Variants in CDH12 observed in about 807,000 individuals in gnomAD.
CDH12 encodes the protein cadherin-12.
Under a neutral mutation model 74.1 loss-of-function variants are expected in CDH12, and 41 were observed. The observed-to-expected ratio is 0.55, with a 90% CI of 0.43 to 0.72. The LOEUF is 0.72. Among genes scored for constraint, CDH12 ranks in the 30% least tolerant of loss-of-function variants. The pLI is 0.00. For missense variants in CDH12, 945 were observed against 977.2 expected, an observed-to-expected ratio of 0.97 and a Z score of 0.44; for synonymous variants, 399 against 355.0, an observed-to-expected ratio of 1.12 and a Z score of -1.39.
At chr5:22,106,414 G>A (rs1007694831) in intron 4 of CDH12, among the ~76,000 whole-genome samples, 5 of 152,232 alleles carry the variant, frequency 3.3e-5, no homozygotes, top group African/African-American at 1.2e-4. Context: ...ATATTCAGCT[G>A]TATTTTACCT....
At chr5:22,361,779 A>T (rs898766168) in intron 3 of CDH12, among the ~76,000 whole-genome samples, 4 of 152,166 alleles carry the variant, frequency 2.6e-5, no homozygotes, top group African/African-American at 9.7e-5. Context: ...AATACCACAC[A>T]TCTACCACCA....
At position 22,158,582 on chromosome 5, in the gene CDH12, C is replaced by T. The variant is rs542758813; in HGVS notation, c.-187+53916G>A. Among the ~76,000 whole-genome samples, 90 of 152,126 alleles carry T rather than the reference C, an allele frequency of 5.9e-4. 1 individual carries two copies. The South Asian group carries it at 0.017, about 29-fold the overall frequency. On this transcript the variant is annotated intron_variant, in intron 4 of 14. Coordinates refer to ENST00000382254, the MANE Select transcript of CDH12 (RefSeq NM_004061.5). Reference sequence around the variant, plus strand: ...ATGGGGGTGTTCTTTAGAAATATCACGGTGGTAATTCAGCTTGATTTAGAA... The same window carrying T: ...ATGGGGGTGTTCTTTAGAAATATCATGGTGGTAATTCAGCTTGATTTAGAA...
At chr5:21,883,602 C>T in intron 6 of CDH12, 1 of 1,604,064 alleles carries the variant, frequency 6.2e-7, no homozygotes, top group Non-Finnish European at 8.5e-7. Flanking sequence ...TGAAGATGTT[C>T]AGCCTCATGA....
intron 3 of CDH12, among the ~76,000 whole-genome samples, chr5:22,356,069 C>T (rs1041948647): frequency 2.0e-5 from 3 of 152,170 alleles, no homozygotes; most frequent in South Asian, 2.1e-4. Context: ...AGCAGTCAGA[C>T]GAACTTTGTC....
intron 1 of CDH12, among the ~76,000 whole-genome samples, chr5:22,701,485 C>T (rs1490226631): frequency 6.6e-6 from 1 of 152,022 alleles, no homozygotes; most frequent in Non-Finnish European, 1.5e-5. Flanking sequence ...CAAAATTGAA[C>T]TTCTTATAAT....
intron 5 of CDH12, among the ~76,000 whole-genome samples, chr5:22,033,360 C>G (rs1376356056): frequency 6.6e-6 from 1 of 152,164 alleles, no homozygotes; most frequent in Non-Finnish European, 1.5e-5. Context: ...TTACCTAGCC[C>G]TGGGTTTTCC....
chr5:21,971,055 C>A (rs997175535), intron 6 of CDH12, among the ~76,000 whole-genome samples: 5 of 151,608 alleles, frequency 3.3e-5, no homozygotes, highest in Admixed American at 3.3e-4. Context: ...TTAGGTGTAT[C>A]TTTTCTTATT....
intron 1 of CDH12, among the ~76,000 whole-genome samples, chr5:22,610,105 G>C (rs1235496041): frequency 6.6e-6 from 1 of 152,160 alleles, no homozygotes; most frequent in Non-Finnish European, 1.5e-5. Flanking sequence ...AAATAATGGA[G>C]TTTCCAAACC....
chr5:21,799,488 A>G (rs1275351234), intron 10 of CDH12, among the ~76,000 whole-genome samples: 20 of 152,202 alleles, frequency 1.3e-4, no homozygotes, highest in Admixed American at 1.3e-3. Context: ...ATTACTTAAT[A>G]AGAAGATTTG....
intron 3 of CDH12, among the ~76,000 whole-genome samples, chr5:22,368,591 G>A (rs1741136860): frequency 6.6e-6 from 1 of 151,796 alleles, no homozygotes; most frequent in Admixed American, 6.6e-5. Context: ...ATAACCGCTG[G>A]TTAATAATAA....
At chr5:22,315,143 T>TTTTTTTTTTTTTTTTTTG (rs1554030826) in intron 3 of CDH12, among the ~76,000 whole-genome samples, 2 of 136,710 alleles carry the variant, frequency 1.5e-5, no homozygotes, top group Non-Finnish European at 3.1e-5. Flanking sequence ...TTTTTTTTTT[T>TTTTTTTTTTTTTTTTTTG]AGTAGAGACG....
Position 22,303,061 on chromosome 5 carries a change from T to C in CDH12, c.-332-90418A>G, listed in dbSNP as rs574264641. Among the ~76,000 whole-genome samples, 5 of 152,160 alleles carry C rather than the reference T, an allele frequency of 3.3e-5. No individual in the cohort carries two copies. In the East Asian group the frequency reaches 9.7e-4, roughly 29 times the overall value. On this transcript the variant is annotated intron_variant, in intron 3 of 14. Transcript: ENST00000382254. ...GGAAGAGAGCTAGAGGCAAAAAAAA[T>C]GTGGGTGCAAATATTTTAAGAAACA...
chr5:22,502,138 C>A (rs1736183976), intron 2 of CDH12, among the ~76,000 whole-genome samples: 1 of 152,102 alleles, frequency 6.6e-6, no homozygotes, highest in Non-Finnish European at 1.5e-5. Context: ...ATCCAAATTT[C>A]ATCTTGAGTT....
intron 4 of CDH12, among the ~76,000 whole-genome samples, chr5:22,194,311 T>TC (rs1306241572): frequency 6.9e-5 from 5 of 72,122 alleles, no homozygotes; most frequent in Non-Finnish European, 1.4e-4. Context: ...TTTCTTTCTT[T>TC]TTTTTTTTTT....
chr5:22,783,172 T>C (rs1747466489), intron 1 of CDH12, among the ~76,000 whole-genome samples: 1 of 152,210 alleles, frequency 6.6e-6, no homozygotes, highest in South Asian at 2.1e-4. Context: ...AGCCACATTT[T>C]GGATCTTTTT....
At chr5:22,758,536 GTT>G (rs796728010) in intron 1 of CDH12, among the ~76,000 whole-genome samples, 20 of 144,026 alleles carry the variant, frequency 1.4e-4, no homozygotes, top group South Asian at 4.4e-4. Flanking sequence ...TTGATTTATA[GTT>G]TTTTTTTTTT....
intron 3 of CDH12, among the ~76,000 whole-genome samples, chr5:22,303,617 A>G (rs775441030): frequency 2.9e-4 from 44 of 152,180 alleles, no homozygotes; most frequent in Non-Finnish European, 5.4e-4. Context: ...ATGTTAGTTC[A>G]TTTAAGCAAT....
At chr5:22,380,465 G>A (rs1057369752) in intron 3 of CDH12, among the ~76,000 whole-genome samples, 3 of 151,596 alleles carry the variant, frequency 2.0e-5, no homozygotes, top group African/African-American at 7.3e-5. Context: ...ATCTAATATA[G>A]AATTAGATAC....
At chr5:22,382,058 C>A (rs1034331592) in intron 3 of CDH12, among the ~76,000 whole-genome samples, 61 of 145,434 alleles carry the variant, frequency 4.2e-4, no homozygotes, top group African/African-American at 1.4e-3. Flanking sequence ...ACTGCAGTCT[C>A]AATATTATAA....
Sources: allele counts gnomAD v4.1 joint callset (sites outside exome capture counted in the v4.1 genomes callset), GRCh38; gene constraint gnomAD v4.1.1; transcripts MANE v1.5; gene names NCBI Gene and HGNC (gene_info 2026-07-23, HGNC 2026-07-21).